The following LOXHD1 variants were observed in gnomAD, a reference collection of about 807,000 sequenced individuals.
The protein encoded by LOXHD1 is lipoxygenase homology domain-containing protein 1.
Under a neutral mutation model 248.2 loss-of-function variants are expected in LOXHD1, and 205 were observed. That is an observed-to-expected ratio of 0.83 (90% confidence interval 0.74 to 0.93). The LOEUF (loss-of-function observed/expected upper bound fraction) is 0.93, where lower values mean the gene tolerates loss of function less well. Ranked by LOEUF, LOXHD1 falls within the 40% of genes least tolerant of loss-of-function variation. The pLI, the probability that LOXHD1 is intolerant of heterozygous loss-of-function variation, is 0.00. For synonymous variants in LOXHD1, 1,113 were observed against 1,162.8 expected (o/e 0.96, Z 0.87); for missense variants, 2,930 against 2,971.6 (o/e 0.99, Z 0.33).
chr18:46,478,577 C>T (rs1021693062), intron 40 of LOXHD1, among the ~76,000 whole-genome samples: 1 of 152,190 alleles, frequency 6.6e-6, no homozygotes, highest in East Asian at 1.9e-4. Context: ...TGCTCAGAAC[C>T]CTCCAGTGGC....
chr18:46,610,759 G>A lies in LOXHD1; in HGVS notation c.759+17C>T. The A allele has an allele frequency of 6.5e-7, 1 of 1,544,146 alleles. No homozygotes were observed. Among genetic ancestry groups the A allele is most frequent in the Non-Finnish European group, 8.8e-7 (1 of 1,142,662 alleles). ...CTTCCAAGGCCACAGGGACTGCAGA[G>A]AAGCAGCTGAACTCACCTGGGACAG... On this transcript the variant is annotated intron_variant, in intron 6 of 40. Transcript: ENST00000642948.
At chr18:46,563,533 T>C (rs2037573164) in intron 17 of LOXHD1, among the ~76,000 whole-genome samples, 1 of 152,182 alleles carries the variant, frequency 6.6e-6, no homozygotes, top group South Asian at 2.1e-4. Context: ...TGGCGATCCC[T>C]GCTGTGTGCC....
intron 37 of LOXHD1, among the ~76,000 whole-genome samples, chr18:46,504,795 T>A (rs959670817): frequency 1.3e-5 from 2 of 152,232 alleles, no homozygotes; most frequent in African/African-American, 4.8e-5. Flanking sequence ...GGCAGCCATT[T>A]GGGAGACCCA....
intron 25 of LOXHD1, among the ~76,000 whole-genome samples, 198 bp from the exon 26 acceptor site, chr18:46,538,535 C>G (rs574068614): frequency 6.6e-6 from 1 of 152,132 alleles, no homozygotes; most frequent in Admixed American, 6.5e-5. Context: ...CCTGCCCCGC[C>G]CCCATGGAAA....
chr18:46,508,877 G>T (rs11082530), intron 35 of LOXHD1, among the ~76,000 whole-genome samples: 46,825 of 152,052 alleles, frequency 0.31, 8,146 homozygotes, highest in East Asian at 0.4. Flanking sequence ...AGTGCAGCTT[G>T]GCCCTATGCC....
At chr18:46,591,873 A>G in intron 12 of LOXHD1, 60 bp downstream of exon 12, 1 of 1,545,758 alleles carries the variant, frequency 6.5e-7, no homozygotes, top group Non-Finnish European at 8.8e-7. Context: ...GGTCAGGCCC[A>G]TCGGGACACC....
Position 46,538,280 on chromosome 18 carries a change from G to A in LOXHD1, c.3971C>T (p.Ala1324Val). 1.3e-6 allele frequency: 2 copies of A among 1,551,532 alleles called. No individual in the cohort carries two copies. Among genetic ancestry groups the A allele is most frequent in the Non-Finnish European group, 8.7e-7 (1 of 1,146,824 alleles). The change falls in exon 26 of 41, where the codon GCC (alanine) becomes GTC (valine). Residue 1324 changes from alanine (A) to valine (V), a missense_variant. Ala to Val is a moderately conservative substitution (Grantham distance 64). Transcript: ENST00000642948. ...GCCATAGATGATGATGAAGATGTTG[G>A]CATCTGTCCCAGCAGCAAAGACATC... ...TSDVFAAGTD[A>V]NIFIIIYGCD...
In LOXHD1 at chr18:46,657,036, T is replaced by A. The variant is rs1352854117; in HGVS notation, c.-3A>T. Reference sequence around the variant, plus strand: ...CGCCTTTTCTTCTGGGGCATCATTCTGTCGGCTGCCTTCTCCCAGCGCTCG... The same window carrying A: ...CGCCTTTTCTTCTGGGGCATCATTCAGTCGGCTGCCTTCTCCCAGCGCTCG... On this transcript the variant is annotated 5_prime_UTR_variant, in exon 1 of 41. Transcript: ENST00000642948. The A allele has an allele frequency of 6.4e-7, 1 of 1,551,648 alleles. No homozygotes were observed. The highest frequency in any genetic ancestry group is 1.2e-5 in the South Asian group (1 of 84,066).
intron 37 of LOXHD1, among the ~76,000 whole-genome samples, chr18:46,492,443 G>A (rs1332122082): frequency 6.6e-6 from 1 of 152,238 alleles, no homozygotes; most frequent in Non-Finnish European, 1.5e-5. Flanking sequence ...TGATTGCCAA[G>A]TGAAGGGGGA....
intron 40 of LOXHD1, among the ~76,000 whole-genome samples, chr18:46,480,267 T>C (rs1320239915): frequency 6.6e-6 from 1 of 152,144 alleles, no homozygotes; most frequent in Non-Finnish European, 1.5e-5. Flanking sequence ...TCAGCATCGC[T>C]TCTCCTCAGA....
rs758839225 is a variant in LOXHD1, at chr18:46,485,120, T to A, written c.6081A>T (p.Gly2027=). 5 of 1,546,880 alleles carry A rather than the reference T, an allele frequency of 3.2e-6. No homozygotes were observed. The highest frequency in any genetic ancestry group is 4.0e-5 in the Admixed American group (2 of 50,286). The change falls in exon 39 of 41, where the codon GGA becomes GGT. Residue 2027 remains glycine (G), a synonymous_variant. Coordinates refer to ENST00000642948, the MANE Select transcript of LOXHD1 (RefSeq NM_001384474.1). Reference sequence around the variant, plus strand: ...GCCAGACGTTCTCCCTGGTTTCGCCTCCGTTGCCCGTTTCTATGACGATCT... The same window carrying A: ...GCCAGACGTTCTCCCTGGTTTCGCCACCGTTGCCCGTTTCTATGACGATCT... ...TYEIVIETGN[G]GETRENVWLI... is the part of the protein sequence containing the mutation.
intron 7 of LOXHD1, among the ~76,000 whole-genome samples, 152 bp downstream of exon 7, chr18:46,603,954 G>A (rs1290937493): frequency 6.6e-6 from 1 of 152,200 alleles, no homozygotes; most frequent in Non-Finnish European, 1.5e-5. Flanking sequence ...GCAACCCAGT[G>A]GGACAGAACA....
At chr18:46,595,054 T>C (rs1484748692) in intron 8 of LOXHD1, among the ~76,000 whole-genome samples, 1 of 152,222 alleles carries the variant, frequency 6.6e-6, no homozygotes, top group Non-Finnish European at 1.5e-5. Flanking sequence ...CATTACTGGT[T>C]TCTAAGCTTT....
chr18:46,643,529 A>G (rs1188483819), intron 2 of LOXHD1, among the ~76,000 whole-genome samples: 1 of 152,242 alleles, frequency 6.6e-6, no homozygotes, highest in African/African-American at 2.4e-5. Context: ...CAAACTAGCA[A>G]TCGTGAGGGT....
At chr18:46,496,830 C>G (rs1440932156) in intron 37 of LOXHD1, among the ~76,000 whole-genome samples, 1 of 152,118 alleles carries the variant, frequency 6.6e-6, no homozygotes, top group Non-Finnish European at 1.5e-5. Context: ...TGATGAAACC[C>G]CGCCTCTACT....
At chr18:46,615,096 G>T (rs1017486594) in intron 5 of LOXHD1, among the ~76,000 whole-genome samples, 1 of 152,174 alleles carries the variant, frequency 6.6e-6, no homozygotes, top group Non-Finnish European at 1.5e-5. Flanking sequence ...GCAATCATAA[G>T]GCTTGGACCC....
intron 37 of LOXHD1, among the ~76,000 whole-genome samples, chr18:46,501,915 G>T (rs540683424): frequency 6.6e-6 from 1 of 152,286 alleles, no homozygotes; most frequent in East Asian, 1.9e-4. Flanking sequence ...AAACTTGCAT[G>T]TCACTAAAGA....
At chr18:46,546,014 G>A (rs1020619319) in intron 22 of LOXHD1, among the ~76,000 whole-genome samples, 1 of 151,932 alleles carries the variant, frequency 6.6e-6, no homozygotes, top group African/African-American at 2.4e-5. Context: ...GTAGAGATGT[G>A]AGTCCTCTGC....
intron 2 of LOXHD1, among the ~76,000 whole-genome samples, chr18:46,647,069 T>A (rs2039040330): frequency 6.6e-6 from 1 of 152,238 alleles, no homozygotes. Flanking sequence ...CTGCCCAACC[T>A]GGAACATGGT....
Sources: gnomAD v4.1 joint callset for allele counts (sites outside exome capture counted in the v4.1 genomes callset) on GRCh38, gnomAD v4.1.1 for gene constraint, MANE v1.5 for transcripts, NCBI Gene and HGNC (gene_info 2026-07-23, HGNC 2026-07-21) for gene names.